TBPL1: variants seen among roughly 807,000 people sequenced by gnomAD.
TBPL1 encodes the protein TATA box-binding protein-like 1.
In TBPL1, 4 loss-of-function variants were observed where a neutral mutation model predicts 22.1. That is an observed-to-expected ratio of 0.18 (90% CI 0.09 to 0.41). The LOEUF (loss-of-function observed/expected upper bound fraction) is 0.41. Among genes scored for constraint, TBPL1 ranks in the 10% least tolerant of loss-of-function variants. The probability of loss-of-function intolerance (pLI) is 1.00; values close to 1 mark genes in which losing one functional copy is unlikely to be tolerated. For missense variants in TBPL1, 115 were observed against 222.3 expected (o/e 0.52, Z 3.07); for synonymous variants, 64 against 71.0 (o/e 0.90, Z 0.50).
At chr6:133,957,488 T>TA (rs1055051194) in intron 1 of TBPL1, among the ~76,000 whole-genome samples, 2 of 152,182 alleles carry the variant, frequency 1.3e-5, no homozygotes, top group Non-Finnish European at 2.9e-5. Context: ...TTAAAAGCAG[T>TA]AAAAAAATTT....
At chr6:133,978,986 C>G (rs1252636331) in intron 1 of TBPL1, among the ~76,000 whole-genome samples, 1 of 152,046 alleles carries the variant, frequency 6.6e-6, no homozygotes, top group Non-Finnish European at 1.5e-5. Flanking sequence ...TGTGAAAATG[C>G]AAAGAGAGAA....
intron 1 of TBPL1, 91 bp from the exon 2 acceptor site, chr6:133,979,991 T>C (rs1397945507): frequency 2.0e-6 from 2 of 977,578 alleles, no homozygotes; most frequent in Non-Finnish European, 2.8e-6. Context: ...ATAAATAATA[T>C]AGATTCATTT....
intron 6 of TBPL1, chr6:133,986,010 TAAACA>T (rs1776515018): frequency 6.6e-6 from 1 of 152,206 alleles, no homozygotes; most frequent in African/African-American, 2.4e-5. Context: ...TACTAGATAT[TAAACA>T]AAACAATAAC....
intron 1 of TBPL1, among the ~76,000 whole-genome samples, chr6:133,977,731 G>T (rs1776338943): frequency 6.6e-6 from 1 of 152,152 alleles, no homozygotes; most frequent in South Asian, 2.1e-4. Context: ...TACTCATGAG[G>T]TCTAGAATTA....
At chr6:133,960,141 G>C (rs1366158078) in intron 1 of TBPL1, among the ~76,000 whole-genome samples, 1 of 152,150 alleles carries the variant, frequency 6.6e-6, no homozygotes, top group Non-Finnish European at 1.5e-5. Flanking sequence ...ATTGCTTGTG[G>C]GTTGACCTCC....
intron 1 of TBPL1, among the ~76,000 whole-genome samples, chr6:133,962,359 C>T (rs571047795): frequency 6.6e-6 from 1 of 152,216 alleles, no homozygotes; most frequent in East Asian, 1.9e-4. Context: ...AAGCCTGTAG[C>T]CATAATGACA....
chr6:133,961,465 C>CT (rs61695774), intron 1 of TBPL1, among the ~76,000 whole-genome samples: 1,229 of 100,156 alleles, frequency 0.012, 20 homozygotes, highest in Admixed American at 0.017. Context: ...TTCTTTCTTT[C>CT]TTTTTTTTTT....
At chr6:133,959,147 C>G (rs953458592) in intron 1 of TBPL1, among the ~76,000 whole-genome samples, 3 of 152,012 alleles carry the variant, frequency 2.0e-5, no homozygotes, top group African/African-American at 7.2e-5. Flanking sequence ...TCAAGTGATT[C>G]TTGTGCCTCA....
At chr6:133,980,873 T>G (rs1369693835) in intron 2 of TBPL1, among the ~76,000 whole-genome samples, 1 of 151,936 alleles carries the variant, frequency 6.6e-6, no homozygotes, top group Non-Finnish European at 1.5e-5. Flanking sequence ...TACACATTTG[T>G]TATGAAAATT....
rs893182089 is a variant in TBPL1, at chr6:133,989,098, A to C, written c.*2058A>C. 3 of 152,178 alleles carry C rather than the reference A, an allele frequency of 2.0e-5. No homozygotes were observed. The highest frequency in any genetic ancestry group is 7.2e-5 in the African/African-American group (3 of 41,440). 9.4% of individuals were successfully genotyped at this position (152,178 alleles called of 1,614,324 possible). Reference sequence around the variant, plus strand: ...CAGGGCTGCCGAATGAGCCTCACCTAACAGTGTCCATGGGTAATTCGCTAA... The same window carrying C: ...CAGGGCTGCCGAATGAGCCTCACCTCACAGTGTCCATGGGTAATTCGCTAA... On this transcript the variant is annotated 3_prime_UTR_variant, in exon 7 of 7. Coordinates refer to ENST00000237264, the MANE Select transcript of TBPL1 (RefSeq NM_004865.4).
chr6:133,969,369 A>G (rs1247696006), intron 1 of TBPL1, among the ~76,000 whole-genome samples: 1 of 151,064 alleles, frequency 6.6e-6, no homozygotes, highest in Non-Finnish European at 1.5e-5. Context: ...TTTAACCATA[A>G]TTCACTTTGA....
Position 133,984,372 on chromosome 6 carries a change from A to G in TBPL1, c.283-4A>G, listed in dbSNP as rs1458410621. Reference sequence around the variant, plus strand: ...ATTTATTGAATTTTACTTCTCTCCTAAAGGTAATATTTACAGATTTTAAGG... The same window carrying G: ...ATTTATTGAATTTTACTTCTCTCCTGAAGGTAATATTTACAGATTTTAAGG... On this transcript the variant is annotated splice_region_variant and splice_polypyrimidine_tract_variant and intron_variant, in intron 4 of 6. Transcript: ENST00000237264. 6.3e-7 allele frequency: 1 copy of G among 1,599,738 alleles called. No homozygotes were observed. The highest frequency in any genetic ancestry group is 2.2e-5 in the East Asian group (1 of 44,712).
chr6:133,954,523 C>G (rs1035562755), intron 1 of TBPL1, among the ~76,000 whole-genome samples: 2 of 152,178 alleles, frequency 1.3e-5, no homozygotes, highest in Admixed American at 6.5e-5. Context: ...GTTTATGTTA[C>G]CTCTTTAGTC....
chr6:133,972,623 G>A (rs1373296947), intron 1 of TBPL1, among the ~76,000 whole-genome samples: 1 of 152,150 alleles, frequency 6.6e-6, no homozygotes, highest in Non-Finnish European at 1.5e-5. Context: ...TGCAAAACAG[G>A]CACTGGCCCA....
In TBPL1 at chr6:133,953,256, G is replaced by A. The variant is rs998046956; in HGVS notation, c.-214G>A. 3 of 153,012 alleles carry A rather than the reference G, an allele frequency of 2.0e-5. No homozygotes were observed. The highest frequency in any genetic ancestry group is 7.2e-5 in the African/African-American group (3 of 41,484). 9.5% of individuals were successfully genotyped at this position (153,012 alleles called of 1,614,324 possible). Reference sequence around the variant, plus strand: ...CCGGAACAACAAAGCAAGGAAGACGGAGTCCGAGCCTCGGGGGCTCCTAGC... The same window carrying A: ...CCGGAACAACAAAGCAAGGAAGACGAAGTCCGAGCCTCGGGGGCTCCTAGC... On this transcript the variant is annotated 5_prime_UTR_variant, in exon 1 of 7. Transcript: ENST00000237264.
At chr6:133,985,809 A>G (rs1348729170) in intron 6 of TBPL1, 1 of 152,100 alleles carries the variant, frequency 6.6e-6, no homozygotes, top group African/African-American at 2.4e-5. Flanking sequence ...GACTTTCAAA[A>G]CGTATTCCCA....
intron 1 of TBPL1, among the ~76,000 whole-genome samples, chr6:133,967,268 A>G (rs964440892): frequency 6.6e-6 from 1 of 152,242 alleles, no homozygotes; most frequent in Non-Finnish European, 1.5e-5. Context: ...GCTCAGCTGT[A>G]GAACAAGTGG....
chr6:133,964,359 A>G (rs903414899), intron 1 of TBPL1, among the ~76,000 whole-genome samples: 1 of 151,646 alleles, frequency 6.6e-6, no homozygotes, highest in African/African-American at 2.4e-5. Context: ...TTATGTAATC[A>G]TGTTTGTTTT....
At chr6:133,971,351 T>C (rs1023130015) in intron 1 of TBPL1, among the ~76,000 whole-genome samples, 1 of 152,238 alleles carries the variant, frequency 6.6e-6, no homozygotes, top group African/African-American at 2.4e-5. Context: ...TCTTGGCTAT[T>C]ATAAATAGTG....
Sources: gnomAD v4.1 joint callset for allele counts (sites outside exome capture counted in the v4.1 genomes callset) on GRCh38, gnomAD v4.1.1 for gene constraint, MANE v1.5 for transcripts, NCBI Gene and HGNC (gene_info 2026-07-23, HGNC 2026-07-21) for gene names.